Variants in HLCS observed in about 807,000 individuals in gnomAD.
The protein encoded by HLCS is biotin--protein ligase.
In HLCS, 53 loss-of-function variants were observed where a neutral mutation model predicts 75.0. That is an observed-to-expected ratio of 0.71 (90% CI 0.57 to 0.89). The LOEUF (loss-of-function observed/expected upper bound fraction) is 0.89. Among genes scored for constraint, HLCS ranks in the 40% least tolerant of loss-of-function variants. The pLI, the probability that HLCS is intolerant of heterozygous loss-of-function variation, is 0.00. For missense variants in HLCS, 966 were observed against 1,074.0 expected, an observed-to-expected ratio of 0.90 and a Z score of 1.41; for synonymous variants, 431 against 428.6, an observed-to-expected ratio of 1.01 and a Z score of -0.07.
Position 36,777,557 on chromosome 21 carries a change from G to A in HLCS, c.1893-10272C>T, listed in dbSNP as rs74465205. Among the ~76,000 whole-genome samples the A allele has an allele frequency of 7.0e-3, 1,063 of 152,344 alleles. 22 individuals carry two copies. The highest frequency in any genetic ancestry group is 0.043 in the Admixed American group (658 of 15,304). ...AATCCAGGATCATCTGATGCATTGA[G>A]CTGTCACGGCTTCTTCGTCTCCTTT... On this transcript the variant is annotated intron_variant, in intron 6 of 10. Transcript: ENST00000674895.
chr21:36,865,019 C>T (rs573983627), intron 6 of HLCS, among the ~76,000 whole-genome samples: 3 of 151,588 alleles, frequency 2.0e-5, no homozygotes, highest in Non-Finnish European at 4.4e-5. Context: ...TCATGTTGCC[C>T]TGTCTGCCAC....
rs1162299828 is a variant in HLCS at position 36,753,621 on chromosome 21, C to T, written c.*625G>A. On this transcript the variant is annotated 3_prime_UTR_variant, in exon 11 of 11. Transcript: ENST00000674895. This position sits in a 1 kb window ranked among gnomAD's most constrained non-coding sequence, Gnocchi z 4.3. ...GATGTCAAAGTAATGAACTGATTTC[C>T]TCTACAAGGTCACTGCAACCACACC... The T allele has an allele frequency of 6.5e-6, 1 of 153,952 alleles. No individual in the cohort carries two copies. Among genetic ancestry groups the T allele is most frequent in the Non-Finnish European group, 1.4e-5 (1 of 69,280 alleles). The allele number at this position is 153,952 out of a possible 1,614,324, so 9.5% of individuals were successfully genotyped here.
chr21:36,827,760 C>T (rs2062056176), intron 6 of HLCS, among the ~76,000 whole-genome samples: 1 of 151,556 alleles, frequency 6.6e-6, no homozygotes, highest in South Asian at 2.1e-4. Context: ...AAATTATACC[C>T]CCTATCCTTT....
At chr21:36,800,908 C>T (rs147040833) in intron 6 of HLCS, among the ~76,000 whole-genome samples, 1 of 151,990 alleles carries the variant, frequency 6.6e-6, no homozygotes, top group East Asian at 1.9e-4. Context: ...ATTCCCTCCA[C>T]TTAGTTGAGG....
intron 1 of HLCS, among the ~76,000 whole-genome samples, chr21:36,978,498 CAA>C (rs35614243): frequency 5.0e-5 from 7 of 138,668 alleles, no homozygotes; most frequent in Non-Finnish European, 4.7e-5. Flanking sequence ...CCACCTCAAA[CAA>C]AAAAAAAAAA....
intron 1 of HLCS, among the ~76,000 whole-genome samples, chr21:36,987,102 G>C (rs1486116718): frequency 1.3e-5 from 2 of 152,128 alleles, no homozygotes; most frequent in East Asian, 3.8e-4. Flanking sequence ...ATCATTCTTT[G>C]AGCACCTCCT....
At position 36,966,425 on chromosome 21, in the gene HLCS, G is replaced by GGGGGCCC; in HGVS notation, c.195+18_195+19insGGGCCCC. On this transcript the variant is annotated intron_variant, in intron 1 of 10. Transcript: ENST00000674895. Reference sequence around the variant, plus strand: ...CCGGCTCGCGGGGCCCGGGTCGCCCGCCCGCCCGACCCGCCCACCTGGCTG... The same window carrying GGGGGCCC: ...CCGGCTCGCGGGGCCCGGGTCGCCCGGGGGCCCCCCGCCCGACCCGCCCACCTGGCTG... 4.6e-5 allele frequency: 9 copies of GGGGGCCC among 195,436 alleles called. No homozygotes were observed. The highest frequency in any genetic ancestry group is 6.0e-5 in the Non-Finnish European group (7 of 116,688). The allele number at this position is 195,436 out of a possible 1,614,324, so 12.1% of individuals were successfully genotyped here.
chr21:36,926,741 C>CTTTTT (rs34057978), intron 5 of HLCS, among the ~76,000 whole-genome samples: 3 of 127,066 alleles, frequency 2.4e-5, no homozygotes, highest in Non-Finnish European at 1.6e-5. Context: ...GTCTTGTTTC[C>CTTTTT]TTTTTTTTTT....
chr21:36,828,305 A>C (rs1395294761), intron 6 of HLCS, among the ~76,000 whole-genome samples: 2 of 152,170 alleles, frequency 1.3e-5, no homozygotes, highest in Non-Finnish European at 2.9e-5. Context: ...TATTTAAAAA[A>C]ATTTAGTCTC....
intron 6 of HLCS, among the ~76,000 whole-genome samples, chr21:36,809,073 G>T (rs990673829): frequency 6.6e-6 from 1 of 152,098 alleles, no homozygotes; most frequent in African/African-American, 2.4e-5. Flanking sequence ...AAATAGCTGG[G>T]TGTGGTGGTT....
chr21:36,826,826 G>A (rs1476939227), intron 6 of HLCS, among the ~76,000 whole-genome samples: 1 of 152,178 alleles, frequency 6.6e-6, no homozygotes, highest in African/African-American at 2.4e-5. Context: ...CTGCTATACT[G>A]CCTCCCAGTA....
intron 1 of HLCS, among the ~76,000 whole-genome samples, chr21:36,984,151 T>C (rs2069182409): frequency 6.6e-6 from 1 of 152,168 alleles, no homozygotes; most frequent in Non-Finnish European, 1.5e-5. Flanking sequence ...GAATGATTTT[T>C]TTAAATTGGA....
At chr21:36,939,313 TA>T (rs914542346) in intron 2 of HLCS, among the ~76,000 whole-genome samples, 3 of 152,126 alleles carry the variant, frequency 2.0e-5, no homozygotes, top group African/African-American at 4.8e-5. Context: ...TGCTGCCCTT[TA>T]AAAACAGAGA....
chr21:36,855,634 T>C (rs1458933504), intron 6 of HLCS, among the ~76,000 whole-genome samples: 1 of 150,660 alleles, frequency 6.6e-6, no homozygotes, highest in Non-Finnish European at 1.5e-5. Flanking sequence ...AGGCTGGAAA[T>C]GGCACAATCA....
intron 6 of HLCS, among the ~76,000 whole-genome samples, chr21:36,801,094 G>A (rs945169771): frequency 5.9e-5 from 9 of 152,222 alleles, no homozygotes; most frequent in East Asian, 1.9e-4. Flanking sequence ...GGGACATGCC[G>A]GAAATTTATG....
intron 1 of HLCS, among the ~76,000 whole-genome samples, chr21:36,987,585 C>G (rs1280120327): frequency 6.6e-6 from 1 of 152,192 alleles, no homozygotes; most frequent in Non-Finnish European, 1.5e-5. Flanking sequence ...TGCACTCCAG[C>G]CTGGGCAACA....
chr21:36,809,287 C>T (rs2061443532), intron 6 of HLCS, among the ~76,000 whole-genome samples: 1 of 152,022 alleles, frequency 6.6e-6, no homozygotes, highest in African/African-American at 2.4e-5. Flanking sequence ...CCATGCCGTT[C>T]TGGTCTGCAA....
At chr21:36,865,514 A>G (rs1404656207) in intron 6 of HLCS, among the ~76,000 whole-genome samples, 3 of 152,220 alleles carry the variant, frequency 2.0e-5, no homozygotes, top group Non-Finnish European at 4.4e-5. Flanking sequence ...ACACAAAGCC[A>G]TCAGATTAGG....
chr21:36,896,170 T>C (rs13045992), intron 6 of HLCS, among the ~76,000 whole-genome samples: 74,765 of 152,078 alleles, frequency 0.49, 20,802 homozygotes, highest in African/African-American at 0.76. Flanking sequence ...GGCAACATGG[T>C]GAAACCCTGT....
Sources: allele counts gnomAD v4.1 joint callset (sites outside exome capture counted in the v4.1 genomes callset), GRCh38; gene constraint gnomAD v4.1.1; non-coding constraint Gnocchi (gnomAD v3.1); transcripts MANE v1.5; gene names NCBI Gene and HGNC (gene_info 2026-07-23, HGNC 2026-07-21).